Variants in CLIC5 observed in about 807,000 individuals in gnomAD.
CLIC5 encodes CLIC family member 5.
CLIC5 carries 20 observed loss-of-function variants against 24.7 expected under a neutral mutation model. That is an observed-to-expected ratio of 0.81 (90% CI 0.57 to 1.18). CLIC5 has a LOEUF of 1.18. Among genes scored for constraint, CLIC5 ranks in the 50% most tolerant of loss-of-function variants. The probability of loss-of-function intolerance (pLI) is 0.00; values close to 1 mark genes in which losing one functional copy is unlikely to be tolerated. For missense variants in CLIC5, 341 were observed against 326.1 expected (o/e 1.05, Z -0.35); for synonymous variants, 159 against 135.6 (o/e 1.17, Z -1.20).
intron 6 of CLIC5, among the ~76,000 whole-genome samples, chr6:45,884,619 G>A (rs1322409933): frequency 1.3e-5 from 2 of 152,192 alleles, no homozygotes; most frequent in African/African-American, 4.8e-5. Context: ...CAGTAGCCAT[G>A]AGACCCTCAG....
intron 1 of CLIC5, among the ~76,000 whole-genome samples, chr6:46,003,496 C>G (rs571114542): frequency 2.0e-5 from 3 of 152,300 alleles, no homozygotes; most frequent in East Asian, 3.9e-4. Context: ...GGCCATGGAG[C>G]AGATCCTAAG....
rs1033084620 is a variant in CLIC5, at chr6:45,899,514, C to T, written c.*3574G>A. On this transcript the variant is annotated 3_prime_UTR_variant, in exon 6 of 6. Transcript: ENST00000339561. ...CACACACTCTCACAGTGATGCTAAA[C>T]TCTTTACAAGATAGACCCGCAGCTT... 1.3e-5 allele frequency: 2 copies of T among 152,280 alleles called. No individual in the cohort carries two copies. The highest frequency in any genetic ancestry group is 4.8e-5 in the African/African-American group (2 of 41,466). The allele number at this position is 152,280 out of a possible 1,614,324, so 9.4% of individuals were successfully genotyped here.
chr6:45,986,480 T>C (rs1238174711), intron 1 of CLIC5, among the ~76,000 whole-genome samples: 2 of 152,156 alleles, frequency 1.3e-5, no homozygotes, highest in African/African-American at 4.8e-5. Context: ...GGTAGTGATG[T>C]CTGCAAATGG....
At chr6:45,923,612 C>T (rs1440129705) in intron 4 of CLIC5, among the ~76,000 whole-genome samples, 1 of 152,198 alleles carries the variant, frequency 6.6e-6, no homozygotes, top group Non-Finnish European at 1.5e-5. Flanking sequence ...CAACTTTGTG[C>T]CCCTTTCCCC....
intron 4 of CLIC5, among the ~76,000 whole-genome samples, chr6:45,932,951 T>C (rs1379734308): frequency 6.6e-6 from 1 of 152,200 alleles, no homozygotes; most frequent in East Asian, 1.9e-4. Flanking sequence ...AACCACAATG[T>C]CCTCCTTCAA....
chr6:45,929,010 T>C (rs1387110021), intron 4 of CLIC5, among the ~76,000 whole-genome samples: 3 of 152,078 alleles, frequency 2.0e-5, no homozygotes, highest in African/African-American at 7.2e-5. Flanking sequence ...CAGCGGGAAA[T>C]TCCACCACAT....
chr6:46,039,545 T>A (rs1261523403), intron 1 of CLIC5, among the ~76,000 whole-genome samples: 1 of 151,654 alleles, frequency 6.6e-6, no homozygotes, highest in Non-Finnish European at 1.5e-5. Context: ...AAAATAAACA[T>A]AAAAAGAAAA....
the CLIC5 span, among the ~76,000 whole-genome samples, chr6:46,124,744 A>G: frequency 3.9e-5 from 6 of 152,232 alleles, no homozygotes; most frequent in African/African-American, 1.4e-4. Context: ...AAAACAAACA[A>G]CCCCATCAGA....
At chr6:46,030,862 CT>C (rs1286821737) in intron 1 of CLIC5, among the ~76,000 whole-genome samples, 1 of 152,198 alleles carries the variant, frequency 6.6e-6, no homozygotes, top group South Asian at 2.1e-4. Flanking sequence ...GTTTATGTAT[CT>C]GTTGCCTTTT....
the CLIC5 span, among the ~76,000 whole-genome samples, chr6:46,109,966 T>A: frequency 2.0e-5 from 3 of 152,150 alleles, no homozygotes; most frequent in Non-Finnish European, 4.4e-5. Flanking sequence ...AAGGCTACCC[T>A]CACCCACCAT....
chr6:45,903,211 C>T lies in CLIC5; in HGVS notation c.633G>A (p.Met211Ile). The T allele has an allele frequency of 1.9e-6, 3 of 1,611,564 alleles. No individual in the cohort carries two copies. The highest frequency in any genetic ancestry group is 2.5e-6 in the Non-Finnish European group (3 of 1,178,956). ...KYRNYDIPAE[M>I]TGLWRYLKNA... ...TCTTGAGGTACCGCCACAGGCCTGT[C>T]ATCTCAGCCGGGATATCATAGTTGC... is the stretch of plus-strand genomic sequence containing the variant. The change falls in exon 6 of 6, where the codon ATG (methionine) becomes ATA (isoleucine). Residue 211 changes from methionine to isoleucine, a missense_variant. Transcript: ENST00000339561.
rs544931083 is a variant in CLIC5 at position 45,903,140 on chromosome 6, C to T, written c.704G>A (p.Ser235Asn). ...ATCAGCGTAGGCCAACTCGATCTCA[C>T]TGTCAGCTGCACAGGTGTTGGTGAA... is the stretch of plus-strand genomic sequence containing the variant. ...DEFTNTCAAD[S>N]EIELAYADVA... The change falls in exon 6 of 6, where the codon AGT becomes AAT. Residue 235 changes from serine (S) to asparagine (N), a missense_variant. Physicochemically the swap from Ser to Asn is conservative, Grantham distance 46. Coordinates refer to ENST00000339561, the MANE Select transcript of CLIC5 (RefSeq NM_016929.5). 7 of 1,614,234 alleles carry T rather than the reference C, an allele frequency of 4.3e-6. No homozygotes were observed. The highest frequency in any genetic ancestry group is 3.3e-5 in the Admixed American group (2 of 60,028).
intron 1 of CLIC5, among the ~76,000 whole-genome samples, chr6:46,059,016 C>T (rs182641858): frequency 3.3e-5 from 5 of 152,284 alleles, no homozygotes; most frequent in African/African-American, 1.2e-4. Context: ...AGAACAATCT[C>T]AGAGTGTGGT....
At chr6:46,043,642 G>A (rs1319574309) in intron 1 of CLIC5, among the ~76,000 whole-genome samples, 9 of 152,166 alleles carry the variant, frequency 5.9e-5, no homozygotes, top group Non-Finnish European at 8.8e-5. Context: ...CTAAGTTTAG[G>A]AGCCACTTCA....
chr6:46,080,860 G>A (rs1421401596), upstream of CLIC5, among the ~76,000 whole-genome samples: 1 of 152,204 alleles, frequency 6.6e-6, no homozygotes, highest in Non-Finnish European at 1.5e-5. Flanking sequence ...AGAAGGAAAA[G>A]AAGATAAATG....
At chr6:46,066,468 C>T (rs1369966893) in intron 1 of CLIC5, among the ~76,000 whole-genome samples, 2 of 152,128 alleles carry the variant, frequency 1.3e-5, no homozygotes, top group African/African-American at 2.4e-5. Context: ...AGGATCTTTG[C>T]TTGAATACTG....
At chr6:46,122,041 G>A in the CLIC5 span, among the ~76,000 whole-genome samples, 4 of 152,100 alleles carry the variant, frequency 2.6e-5, no homozygotes, top group Non-Finnish European at 5.9e-5. Context: ...AGTTAACAAG[G>A]ATATCCAGGA....
chr6:46,055,951 T>G (rs540123640), intron 1 of CLIC5, among the ~76,000 whole-genome samples: 19 of 152,326 alleles, frequency 1.2e-4, no homozygotes, highest in African/African-American at 4.6e-4. Context: ...GGGGAGTGAC[T>G]GTTTAATAGG....
chr6:45,885,004 CA>C (rs368245450), intron 6 of CLIC5, among the ~76,000 whole-genome samples: 120 of 75,660 alleles, frequency 1.6e-3, no homozygotes, highest in East Asian at 0.01. Flanking sequence ...CATCAAGGGC[CA>C]AAAAAAAAAA....
Sources: allele counts gnomAD v4.1 joint callset (sites outside exome capture counted in the v4.1 genomes callset), GRCh38; gene constraint gnomAD v4.1.1; transcripts MANE v1.5; gene names NCBI Gene and HGNC (gene_info 2026-07-23, HGNC 2026-07-21).